The following CRACR2A variants were observed in gnomAD, a reference collection of about 807,000 sequenced individuals.
CRACR2A encodes the protein EF-hand calcium-binding domain-containing protein 4B.
A neutral mutation model predicts 90.5 loss-of-function variants in CRACR2A; 79 were observed. The ratio of observed to expected loss-of-function variants is 0.87; its 90% CI spans 0.73 to 1.05. The LOEUF (loss-of-function observed/expected upper bound fraction) is 1.05. Ranked by LOEUF, CRACR2A falls within the 50% of genes least tolerant of loss-of-function variation. The pLI is 0.00. For synonymous variants in CRACR2A, 338 were observed against 356.7 expected (o/e 0.95, Z 0.59); for missense variants, 823 against 897.2 (o/e 0.92, Z 1.06).
rs1007758181 is a variant in CRACR2A, at chr12:3,633,444, T to TC, written c.1735+159dup. ...AGGGGAGGTGGCTTCATCTTGCCCC[T>TC]CCCAGCCTGTCTGTTGAACAGAGCA... On this transcript the variant is annotated intron_variant, in intron 15 of 19. Transcript: ENST00000440314. The surrounding 1 kb of genome is among the most constrained non-coding windows in gnomAD (Gnocchi z 4.5). Among the ~76,000 whole-genome samples the TC allele has an allele frequency of 6.6e-6, 1 of 152,006 alleles. No homozygotes were observed. The highest frequency in any genetic ancestry group is 2.4e-5 in the African/African-American group (1 of 41,386).
At chr12:3,692,943 C>T (rs1393373838) in intron 4 of CRACR2A, among the ~76,000 whole-genome samples, 1 of 152,134 alleles carries the variant, frequency 6.6e-6, no homozygotes, top group Non-Finnish European at 1.5e-5. Context: ...ACTTCTGTGG[C>T]AGTGTTGGCA....
At chr12:3,638,590 A>T (rs1174479940) in intron 13 of CRACR2A, 136 bp from the exon 14 acceptor site, 12 of 980,760 alleles carry the variant, frequency 1.2e-5, no homozygotes, top group Non-Finnish European at 1.7e-5. Context: ...GGGAGAGGGA[A>T]AAACAAACCA....
intron 11 of CRACR2A, among the ~76,000 whole-genome samples, chr12:3,646,916 C>T (rs1202003472): frequency 6.6e-6 from 1 of 152,186 alleles, no homozygotes; most frequent in African/African-American, 2.4e-5. Flanking sequence ...CATGTATCAT[C>T]TAATTCTCAA....
chr12:3,629,881 A>G (rs1161402792), intron 15 of CRACR2A, among the ~76,000 whole-genome samples: 2 of 151,988 alleles, frequency 1.3e-5, no homozygotes, highest in African/African-American at 4.8e-5. Flanking sequence ...GGCATGTGCA[A>G]ACATGAAGCC....
intron 1 of CRACR2A, among the ~76,000 whole-genome samples, chr12:3,733,652 C>T (rs527801272): frequency 5.3e-5 from 8 of 152,238 alleles, no homozygotes; most frequent in African/African-American, 1.4e-4. Context: ...TTGATGACAT[C>T]GTTGACCACT....
chr12:3,658,212 G>C (rs7966899), intron 8 of CRACR2A, among the ~76,000 whole-genome samples: 19 of 152,024 alleles, frequency 1.2e-4, no homozygotes, highest in African/African-American at 4.6e-4. Context: ...CTCTGCCCTC[G>C]CCCATTCCCC....
Position 3,686,065 on chromosome 12 carries a change from T to C in CRACR2A, c.229-5716A>G, listed in dbSNP as rs577514790. Among the ~76,000 whole-genome samples, 18 of 152,346 alleles carry C rather than the reference T, an allele frequency of 1.2e-4. 1 individual carries two copies. Among genetic ancestry groups the C allele is most frequent in the Non-Finnish European group, 2.2e-4 (15 of 68,030 alleles). The stretch of plus-strand genomic sequence containing the variant: ...ATCTTTTAATGCTGGGAGGTAGCTA[T>C]AAATAATTCACAGCTGAGAAACTGT... On this transcript the variant is annotated intron_variant, in intron 4 of 19. Transcript: ENST00000440314.
intron 3 of CRACR2A, among the ~76,000 whole-genome samples, chr12:3,699,558 C>T (rs1411027238): frequency 1.3e-5 from 2 of 152,174 alleles, no homozygotes; most frequent in African/African-American, 4.8e-5. Flanking sequence ...GCCCTCAAGT[C>T]ACTCTGGGCC....
At chr12:3,648,140 C>T in intron 11 of CRACR2A, 4 of 1,036,344 alleles carry the variant, frequency 3.9e-6, no homozygotes, top group Non-Finnish European at 4.6e-6. Flanking sequence ...TATCAACTTC[C>T]CATCAGTAAA....
chr12:3,678,480 T>C (rs1945377759), intron 6 of CRACR2A, among the ~76,000 whole-genome samples: 1 of 152,052 alleles, frequency 6.6e-6, no homozygotes, highest in Non-Finnish European at 1.5e-5. Context: ...GCACCGTAGC[T>C]CTAGAGACCC....
intron 2 of CRACR2A, chr12:3,727,696 G>C (rs749782905): frequency 9.9e-5 from 15 of 152,144 alleles, no homozygotes; most frequent in Non-Finnish European, 1.8e-4. Context: ...TTCTTTGAAA[G>C]TGTGAGAGGC....
chr12:3,667,916 A>C (rs1272819094), intron 7 of CRACR2A, among the ~76,000 whole-genome samples: 3 of 152,252 alleles, frequency 2.0e-5, no homozygotes, highest in Admixed American at 6.5e-5. Flanking sequence ...AGTTTGTAGA[A>C]AATTCTGCAA....
intron 14 of CRACR2A, among the ~76,000 whole-genome samples, chr12:3,634,881 C>T (rs1311901270): frequency 1.3e-5 from 2 of 152,180 alleles, no homozygotes; most frequent in Non-Finnish European, 2.9e-5. Context: ...AACAACCAAC[C>T]TGCACTCAAA....
rs1387565063 is a variant in CRACR2A at position 3,627,511 on chromosome 12, A to T, written c.1857T>A (p.Asp619Glu). 1.9e-6 allele frequency: 3 copies of T among 1,551,780 alleles called. No homozygotes were observed. The highest frequency in any genetic ancestry group is 2.6e-6 in the Non-Finnish European group (3 of 1,147,028). Residue 619 changes from aspartate (D) to glutamate (E), a missense_variant, in exon 17 of 20, where the codon GAT becomes GAA. Transcript: ENST00000440314. ...CITQQFFRKADGVIVMYDLTD... is the reference protein window; with the variant it reads ...CITQQFFRKAEGVIVMYDLTD... ...TGAGATCGTACATGACGATGACACC[A>T]TCTGCCTTTCTGAAGAACTGCTGGG...
chr12:3,654,085 G>A (rs1253558344), intron 10 of CRACR2A, 127 bp downstream of exon 10: 1 of 1,056,420 alleles, frequency 9.5e-7, no homozygotes, highest in Non-Finnish European at 1.4e-6. Context: ...AAGAGTCTCA[G>A]GGAGCAACAA....
intron 4 of CRACR2A, among the ~76,000 whole-genome samples, chr12:3,686,420 A>C (rs1247925233): frequency 6.6e-6 from 1 of 152,170 alleles, no homozygotes; most frequent in Non-Finnish European, 1.5e-5. Flanking sequence ...CCAACTCCTA[A>C]ATGAGTCTTA....
At chr12:3,629,170 A>G (rs55864732) in intron 15 of CRACR2A, among the ~76,000 whole-genome samples, 43,169 of 151,826 alleles carry the variant, frequency 0.28, 6,594 homozygotes, top group South Asian at 0.4. Context: ...ATACATACAC[A>G]TTCACACACA....
At chr12:3,714,374 T>C (rs1206075773) in intron 2 of CRACR2A, among the ~76,000 whole-genome samples, 1 of 152,194 alleles carries the variant, frequency 6.6e-6, no homozygotes, top group Non-Finnish European at 1.5e-5. Context: ...ACCCCCTCTC[T>C]AAGCCACCTG....
chr12:3,668,199 A>G (rs895112076), intron 7 of CRACR2A, among the ~76,000 whole-genome samples: 2 of 152,192 alleles, frequency 1.3e-5, no homozygotes, highest in African/African-American at 4.8e-5. Flanking sequence ...CTCGTCACCT[A>G]GAGTCCTCGC....
Sources: allele counts gnomAD v4.1 joint callset (sites outside exome capture counted in the v4.1 genomes callset), GRCh38; gene constraint gnomAD v4.1.1; non-coding constraint Gnocchi (gnomAD v3.1); transcripts MANE v1.5; gene names NCBI Gene and HGNC (gene_info 2026-07-23, HGNC 2026-07-21).